The following ARHGEF18 variants were observed in gnomAD, a reference collection of about 807,000 sequenced individuals.
The protein encoded by ARHGEF18 is Rho/Rac guanine nucleotide exchange factor 18, also known as rho guanine nucleotide exchange factor 18.
In ARHGEF18, 93 loss-of-function variants were observed where a neutral mutation model predicts 155.7. The ratio of observed to expected loss-of-function variants is 0.60; its 90% CI spans 0.50 to 0.71. The LOEUF (loss-of-function observed/expected upper bound fraction) is 0.71. Among genes scored for constraint, ARHGEF18 ranks in the 30% least tolerant of loss-of-function variants. The probability of loss-of-function intolerance (pLI) is 0.00; values close to 1 mark genes in which losing one functional copy is unlikely to be tolerated. For synonymous variants in ARHGEF18, 742 were observed against 753.1 expected (o/e 0.99, Z 0.24); for missense variants, 1,593 against 1,816.1 (o/e 0.88, Z 2.23).
At chr19:7,421,082 C>T (rs757082806) in intron 10 of ARHGEF18, among the ~76,000 whole-genome samples, 1 of 151,982 alleles carries the variant, frequency 6.6e-6, no homozygotes, top group African/African-American at 2.4e-5. Flanking sequence ...AGGCGTGTGA[C>T]ACCACACTCA....
intron 2 of ARHGEF18, among the ~76,000 whole-genome samples, chr19:7,372,286 G>A (rs926101652): frequency 6.6e-6 from 1 of 152,252 alleles, no homozygotes; most frequent in Non-Finnish European, 1.5e-5. Context: ...GGGTTTTGAC[G>A]GTTGCATAGG....
downstream of ARHGEF18, among the ~76,000 whole-genome samples, chr19:7,473,678 C>G (rs191900605): frequency 6.6e-6 from 1 of 151,952 alleles, no homozygotes; most frequent in Non-Finnish European, 1.5e-5. Flanking sequence ...GGCGTGGTGG[C>G]GGGCGCCTGT....
At chr19:7,456,135 C>T (rs186070729) in intron 17 of ARHGEF18, among the ~76,000 whole-genome samples, 192 bp from the exon 18 acceptor site, 1 of 152,308 alleles carries the variant, frequency 6.6e-6, no homozygotes, top group Admixed American at 6.5e-5. Context: ...GCTCCGGCTG[C>T]TCGTTGGTGC....
intron 10 of ARHGEF18, chr19:7,394,924 C>T (rs780087298): frequency 4.9e-6 from 2 of 411,862 alleles, no homozygotes; most frequent in Non-Finnish European, 6.5e-6. Context: ...GTCGCCCTCA[C>T]CCTCGCCGCG....
At chr19:7,375,424 A>AAGGAAGGAAGAAAAGGAAGGAAGG (rs60908485) in intron 3 of ARHGEF18, among the ~76,000 whole-genome samples, 1 of 150,902 alleles carries the variant, frequency 6.6e-6, no homozygotes, top group African/African-American at 2.4e-5. Context: ...AGGAAGGAAG[A>AAGGAAGGAAGAAAAGGAAGGAAGG]AAGGAAGGAA....
At position 7,379,131 on chromosome 19, in the gene ARHGEF18, C is replaced by T. The variant is rs1600232200; in HGVS notation, c.609C>T (p.Val203=). 8.1e-7 allele frequency: 1 copy of T among 1,232,430 alleles called. No individual in the cohort carries two copies. Among genetic ancestry groups the T allele is most frequent in the East Asian group, 3.2e-5 (1 of 31,710 alleles). The allele number at this position is 1,232,430 out of a possible 1,614,324, so 76.3% of individuals were successfully genotyped here. ...DHVEPDHVLI[V]QQVLQELRQY... ...ACCTCCACCCCCACAGGCTGATTGT[C>T]CAGCAGGTGCTTCAAGAACTTCGAC... Residue 203 remains valine, a synonymous_variant, in exon 7 of 29, where the codon GTC becomes GTT. Transcript: ENST00000668164.
intron 1 of ARHGEF18, among the ~76,000 whole-genome samples, chr19:7,355,192 C>T (rs1215958920): frequency 1.3e-5 from 2 of 151,998 alleles, no homozygotes; most frequent in African/African-American, 4.8e-5. Context: ...ATTCAGAACT[C>T]ACCCTGAAAC....
At position 7,433,908 on chromosome 19, in the gene ARHGEF18, A is replaced by C. The variant is rs980846004; in HGVS notation, c.968-6436A>C. On this transcript the variant is annotated intron_variant, in intron 10 of 28. Coordinates refer to ENST00000668164, the MANE Select transcript of ARHGEF18 (RefSeq NM_001367823.1). ...GTGGCAGGCACCTGTAATTCCAGCT[A>C]CTCGAGGGGCTGAGGCAGGAGAATC... 2.0e-5 allele frequency among the ~76,000 whole-genome samples: 3 copies of C among 151,056 alleles called. No homozygotes were observed. In the Admixed American group the frequency reaches 2.0e-4, roughly 10 times the overall value.
intron 18 of ARHGEF18, among the ~76,000 whole-genome samples, chr19:7,457,472 C>T (rs1975918826): frequency 6.7e-6 from 1 of 148,816 alleles, no homozygotes; most frequent in Non-Finnish European, 1.5e-5. Flanking sequence ...AAGTGATTCT[C>T]CTGCCTCAGC....
At chr19:7,349,401 C>A (rs1969104024) in intron 1 of ARHGEF18, among the ~76,000 whole-genome samples, 160 bp downstream of exon 1, 1 of 152,070 alleles carries the variant, frequency 6.6e-6, no homozygotes, top group Non-Finnish European at 1.5e-5. Context: ...AGCTGTTTGA[C>A]CCTTGCGTTC....
At chr19:7,383,277 C>T in intron 10 of ARHGEF18, 74 bp downstream of exon 10, 1 of 1,228,184 alleles carries the variant, frequency 8.1e-7, no homozygotes, top group Non-Finnish European at 1.0e-6. Flanking sequence ...CAATCATACT[C>T]CTGGGGTCTC....
In ARHGEF18 at chr19:7,467,328, C is replaced by A; in HGVS notation, c.3124C>A (p.Arg1042=). The A allele has an allele frequency of 1.9e-6, 3 of 1,538,532 alleles. No homozygotes were observed. Among genetic ancestry groups the A allele is most frequent in the Non-Finnish European group, 2.6e-6 (3 of 1,146,986 alleles). The change falls in exon 26 of 29, where the codon CGG becomes AGG. Residue 1042 remains arginine (R), a synonymous_variant. Coordinates refer to ENST00000668164, the MANE Select transcript of ARHGEF18 (RefSeq NM_001367823.1). Reference sequence around the variant, plus strand: ...TGGGAACCTGCTGCTGGAGCAGGAGCGGCAACGCAACTTCGAGAAGCAGCG... The same window carrying A: ...TGGGAACCTGCTGCTGGAGCAGGAGAGGCAACGCAACTTCGAGAAGCAGCG... ...TRGNLLLEQE[R]QRNFEKQREE...
intron 26 of ARHGEF18, among the ~76,000 whole-genome samples, chr19:7,468,316 C>T (rs115260655): frequency 0.028 from 4,259 of 150,934 alleles, 202 homozygotes; most frequent in African/African-American, 0.094. Flanking sequence ...AGGCTGAGGC[C>T]GGAGGATTGC....
intron 16 of ARHGEF18, among the ~76,000 whole-genome samples, chr19:7,453,206 C>T (rs1975600697): frequency 7.0e-6 from 1 of 142,226 alleles, no homozygotes. Context: ...ACCCTACCCT[C>T]CCCCCCCCAA....
the ARHGEF18 span, chr19:7,478,281 G>T: frequency 6.2e-7 from 1 of 1,601,196 alleles, no homozygotes; most frequent in Non-Finnish European, 8.5e-7. Context: ...TGGAGGGAGT[G>T]GGCCTCCCTG....
At chr19:7,393,471 A>G (rs1297831328) in intron 10 of ARHGEF18, among the ~76,000 whole-genome samples, 2 of 152,062 alleles carry the variant, frequency 1.3e-5, no homozygotes, top group Non-Finnish European at 2.9e-5. Flanking sequence ...AGACTCCCAA[A>G]GTGTTAGGAT....
At chr19:7,451,796 A>G (rs1167653957) in intron 16 of ARHGEF18, among the ~76,000 whole-genome samples, 1 of 151,696 alleles carries the variant, frequency 6.6e-6, no homozygotes, top group Non-Finnish European at 1.5e-5. Context: ...ATCTCGGCTC[A>G]CTGCAACCTC....
At chr19:7,389,784 GA>G (rs1971295797) in intron 10 of ARHGEF18, among the ~76,000 whole-genome samples, 1 of 152,000 alleles carries the variant, frequency 6.6e-6, no homozygotes, top group South Asian at 2.1e-4. Flanking sequence ...ATCCGCCCAC[GA>G]GTCGTGACAT....
Position 7,470,378 on chromosome 19 carries a change from C to CAGAG in ARHGEF18, c.*81_*82insGAGA. The CAGAG allele has an allele frequency of 7.9e-7, 1 of 1,272,926 alleles. No individual in the cohort carries two copies. The highest frequency in any genetic ancestry group is 2.3e-5 in the South Asian group (1 of 43,072). The allele number at this position is 1,272,926 out of a possible 1,614,324, so 78.9% of individuals were successfully genotyped here. On this transcript the variant is annotated 3_prime_UTR_variant, in exon 29 of 29. Coordinates refer to ENST00000668164, the MANE Select transcript of ARHGEF18 (RefSeq NM_001367823.1). The surrounding 1 kb of genome is among the most constrained non-coding windows in gnomAD (Gnocchi z 5.9). ...TCTCTGGGGACCCCCATGGGGTCAC[C>CAGAG]ATGCCCACCCAGCTGTCCCCTCCTC...
Sources: gnomAD v4.1 joint callset for allele counts (sites outside exome capture counted in the v4.1 genomes callset) on GRCh38, gnomAD v4.1.1 for gene constraint, Gnocchi (gnomAD v3.1) non-coding constraint, MANE v1.5 for transcripts, NCBI Gene and HGNC (gene_info 2026-07-23, HGNC 2026-07-21) for gene names.